MYBPC1: variants seen among roughly 807,000 people sequenced by gnomAD.
The protein encoded by MYBPC1 is myosin binding protein C1.
Under a neutral mutation model 147.1 loss-of-function variants are expected in MYBPC1, and 52 were observed. That is an observed-to-expected ratio of 0.35 (90% CI 0.28 to 0.45). The LOEUF is 0.45. Among genes scored for constraint, MYBPC1 ranks in the 20% least tolerant of loss-of-function variants. The pLI is 1.00. For missense variants in MYBPC1, 1,228 were observed against 1,440.3 expected, an observed-to-expected ratio of 0.85 and a Z score of 2.39; for synonymous variants, 477 against 475.9, an observed-to-expected ratio of 1.00 and a Z score of -0.03.
intron 16 of MYBPC1, among the ~76,000 whole-genome samples, chr12:101,651,619 A>C (rs1358632452): frequency 6.6e-6 from 1 of 152,148 alleles, no homozygotes; most frequent in East Asian, 1.9e-4. Flanking sequence ...TGTCTATTCA[A>C]AATCCATTGA....
At position 101,642,598 on chromosome 12, in the gene MYBPC1, G is replaced by A. The variant is rs968114840; in HGVS notation, c.832+13G>A. ...AAGAAGAGCGCAGGTGAGCGCTCCC[G>A]GGGGCGAGGCAGCGGCCGAGGGGCG... On this transcript the variant is annotated intron_variant, in intron 11 of 31. Coordinates refer to ENST00000361466, the MANE Select transcript of MYBPC1 (RefSeq NM_002465.4). 1.9e-6 allele frequency: 3 copies of A among 1,604,622 alleles called. No homozygotes were observed. In the African/African-American group the frequency reaches 4.0e-5, roughly 21 times the overall value.
chr12:101,630,358 A>G (rs372317453), intron 6 of MYBPC1, among the ~76,000 whole-genome samples: 6 of 152,294 alleles, frequency 3.9e-5, no homozygotes, highest in African/African-American at 1.4e-4. Flanking sequence ...TGGACCCTGG[A>G]ACCTTGGGTT....
intron 3 of MYBPC1, among the ~76,000 whole-genome samples, chr12:101,622,358 T>C (rs1887624498): frequency 6.6e-6 from 1 of 152,146 alleles, no homozygotes; most frequent in South Asian, 2.1e-4. Context: ...GGCAATTTTT[T>C]GAGAATTTAA....
chr12:101,658,407 C>T (rs1895969426), intron 18 of MYBPC1, among the ~76,000 whole-genome samples: 1 of 149,254 alleles, frequency 6.7e-6, no homozygotes, highest in African/African-American at 2.5e-5. Context: ...AAAAATCTAC[C>T]GTAAAAAGAA....
chr12:101,655,248 T>C (rs1236108919), intron 18 of MYBPC1, among the ~76,000 whole-genome samples: 1 of 151,876 alleles, frequency 6.6e-6, no homozygotes, highest in East Asian at 1.9e-4. Context: ...AAATAAAAAT[T>C]AAGAGAAAGT....
At chr12:101,661,781 C>T (rs1456836182) in intron 20 of MYBPC1, among the ~76,000 whole-genome samples, 5 of 151,246 alleles carry the variant, frequency 3.3e-5, no homozygotes, top group South Asian at 2.1e-4. Context: ...CCCAGCTACT[C>T]GCTACTCAGG....
At chr12:101,681,578 ATATATATATATATATTTTTTTTTTTTTT>A (rs1463853007) in intron 29 of MYBPC1, among the ~76,000 whole-genome samples, 2 of 23,064 alleles carry the variant, frequency 8.7e-5, no homozygotes, top group African/African-American at 4.5e-4. Context: ...ATATATATAT[ATATATATATATATATTTTTTTTTTTTTT>A]TTTTTTTTTT....
intron 1 of MYBPC1, 69 bp from the exon 2 acceptor site, chr12:101,614,427 G>T: frequency 6.3e-7 from 1 of 1,576,672 alleles, no homozygotes; most frequent in African/African-American, 1.4e-5. Flanking sequence ...AAGCTGCCTG[G>T]GGCTGTAGAA....
the MYBPC1 span, among the ~76,000 whole-genome samples, chr12:101,691,623 G>A: frequency 3.3e-5 from 5 of 152,184 alleles, no homozygotes; most frequent in African/African-American, 1.2e-4. Context: ...TTTGGGAAAG[G>A]AATACAATTT....
intron 24 of MYBPC1, among the ~76,000 whole-genome samples, chr12:101,671,860 T>C (rs1898810813): frequency 6.6e-6 from 1 of 152,154 alleles, no homozygotes; most frequent in South Asian, 2.1e-4. Context: ...GAGACCAAAG[T>C]GTGATGTTTG....
chr12:101,668,645 A>G (rs562515543), intron 23 of MYBPC1, among the ~76,000 whole-genome samples: 4 of 152,086 alleles, frequency 2.6e-5, no homozygotes, highest in East Asian at 3.9e-4. Flanking sequence ...GGTATTTTTT[A>G]GTAGAGACAG....
chr12:101,675,580 C>G, intron 26 of MYBPC1, 149 bp downstream of exon 26: 1 of 1,224,152 alleles, frequency 8.2e-7, no homozygotes, highest in South Asian at 1.3e-5. Flanking sequence ...ACCTGTGGAG[C>G]CACAGAGCTG....
At chr12:101,595,741 G>T (rs1220230529) in intron 1 of MYBPC1, among the ~76,000 whole-genome samples, 1 of 152,032 alleles carries the variant, frequency 6.6e-6, no homozygotes, top group Non-Finnish European at 1.5e-5. Context: ...TTATTGTAGA[G>T]AATTTCATAA....
chr12:101,693,215 G>T, the MYBPC1 span, among the ~76,000 whole-genome samples: 1 of 151,970 alleles, frequency 6.6e-6, no homozygotes, highest in Non-Finnish European at 1.5e-5. Flanking sequence ...CAAGGTGCTG[G>T]GATTACAGGC....
chr12:101,676,275 G>A (rs867935414), intron 26 of MYBPC1, among the ~76,000 whole-genome samples: 1 of 152,176 alleles, frequency 6.6e-6, no homozygotes, highest in Middle Eastern at 3.4e-3. Context: ...GCTTGCAGAG[G>A]ATAAATGACT....
At chr12:101,647,270 G>A (rs1435514108) in intron 13 of MYBPC1, among the ~76,000 whole-genome samples, 1 of 152,144 alleles carries the variant, frequency 6.6e-6, no homozygotes, top group Non-Finnish European at 1.5e-5. Flanking sequence ...CTAAGACATT[G>A]TGAAAAGAGC....
In MYBPC1 at chr12:101,616,170, C is replaced by T. The variant is rs192710896; in HGVS notation, c.62-1032C>T. 4.4e-3 allele frequency among the ~76,000 whole-genome samples: 665 copies of T among 152,262 alleles called. 2 individuals are homozygous for T. The highest frequency in any genetic ancestry group is 0.015 in the African/African-American group (630 of 41,552). On this transcript the variant is annotated intron_variant, in intron 2 of 31. Transcript: ENST00000361466. The stretch of plus-strand genomic sequence containing the variant: ...TGGCTCAGTGCCATATGAGTTCAAA[C>T]GGGAAAGCTCAGATTTATTTTCTTT...
At chr12:101,601,138 G>A (rs1472708805) in intron 1 of MYBPC1, among the ~76,000 whole-genome samples, 1 of 152,174 alleles carries the variant, frequency 6.6e-6, no homozygotes, top group Non-Finnish European at 1.5e-5. Flanking sequence ...ACCAGTTAAG[G>A]AAAGCCAAAC....
chr12:101,605,534 A>G (rs1881815105), intron 1 of MYBPC1, among the ~76,000 whole-genome samples: 1 of 152,206 alleles, frequency 6.6e-6, no homozygotes, highest in East Asian at 1.9e-4. Context: ...TACAGTAAAT[A>G]TTGTATTAGT....
Sources: allele counts gnomAD v4.1 joint callset (sites outside exome capture counted in the v4.1 genomes callset), GRCh38; gene constraint gnomAD v4.1.1; transcripts MANE v1.5; gene names NCBI Gene and HGNC (gene_info 2026-07-23, HGNC 2026-07-21).